The following GPC5 variants were observed in gnomAD, a reference collection of about 807,000 sequenced individuals.
GPC5 encodes the protein glypican 5.
GPC5 carries 47 observed loss-of-function variants against 53.9 expected under a neutral mutation model. That is an observed-to-expected ratio of 0.87 (90% confidence interval 0.69 to 1.11). GPC5 has a LOEUF of 1.11. Ranked by LOEUF, GPC5 falls within the 50% of genes most tolerant of loss-of-function variation. GPC5 has a pLI of 0.00. For synonymous variants in GPC5, 286 were observed against 263.3 expected (o/e 1.09, Z -0.84); for missense variants, 748 against 713.1 (o/e 1.05, Z -0.56).
At chr13:92,593,041 G>A (rs1883763417) in intron 7 of GPC5, among the ~76,000 whole-genome samples, 1 of 150,988 alleles carries the variant, frequency 6.6e-6, no homozygotes. Flanking sequence ...GGCCTGAAGT[G>A]ACTAGAGTGG....
intron 7 of GPC5, among the ~76,000 whole-genome samples, chr13:92,373,081 T>C (rs368597772): frequency 9.8e-5 from 15 of 152,298 alleles, no homozygotes; most frequent in East Asian, 7.7e-4. Context: ...TTTAAGTATA[T>C]ATATTATTTT....
At chr13:91,517,067 C>A (rs891885155) in intron 2 of GPC5, among the ~76,000 whole-genome samples, 5 of 152,118 alleles carry the variant, frequency 3.3e-5, no homozygotes, top group Admixed American at 3.3e-4. Context: ...GAGAGGCTGC[C>A]TTGAGAGTCT....
chr13:92,385,606 C>CGCATATAT, intron 7 of GPC5, among the ~76,000 whole-genome samples: 2 of 142,404 alleles, frequency 1.4e-5, no homozygotes, highest in Admixed American at 1.5e-4. Flanking sequence ...TACATATATA[C>CGCATATAT]ACATATACAT....
chr13:92,754,477 C>T (rs1309919475), intron 7 of GPC5, among the ~76,000 whole-genome samples: 2 of 151,754 alleles, frequency 1.3e-5, no homozygotes, highest in African/African-American at 2.4e-5. Flanking sequence ...TCACACATAA[C>T]AATATTAACT....
chr13:91,451,540 C>T (rs1384418949), intron 2 of GPC5, among the ~76,000 whole-genome samples: 1 of 151,952 alleles, frequency 6.6e-6, no homozygotes, highest in Non-Finnish European at 1.5e-5. Context: ...GTGAAACTCA[C>T]ACTGGGCTCT....
At chr13:91,752,593 G>A (rs1387735187) in intron 4 of GPC5, among the ~76,000 whole-genome samples, 1 of 152,132 alleles carries the variant, frequency 6.6e-6, no homozygotes, top group South Asian at 2.1e-4. Flanking sequence ...TCATTCTTTA[G>A]TTTTCATAGT....
chr13:92,790,106 A>C (rs185316198), intron 7 of GPC5, among the ~76,000 whole-genome samples: 1 of 152,258 alleles, frequency 6.6e-6, no homozygotes, highest in Non-Finnish European at 1.5e-5. Context: ...TTCTAGCAGC[A>C]CTGGCAGCTG....
At chr13:92,348,973 CA>C (rs775184152) in intron 7 of GPC5, among the ~76,000 whole-genome samples, 3 of 151,962 alleles carry the variant, frequency 2.0e-5, no homozygotes, top group Non-Finnish European at 4.4e-5. Context: ...AAAAAAAACC[CA>C]GATTTCAAAC....
intron 7 of GPC5, among the ~76,000 whole-genome samples, chr13:92,432,009 TA>T (rs1877108783): frequency 1.3e-5 from 2 of 152,326 alleles, no homozygotes; most frequent in South Asian, 4.1e-4. Flanking sequence ...ATGTATATGT[TA>T]AAGCCCCAAT....
intron 2 of GPC5, among the ~76,000 whole-genome samples, chr13:91,563,746 GCCTCCCTTC>G (rs2031395745): frequency 6.6e-6 from 1 of 151,976 alleles, no homozygotes; most frequent in Non-Finnish European, 1.5e-5. Context: ...GAAGTTCTTT[GCCTCCCTTC>G]CCTCCTCAGG....
chr13:91,432,431 CTT>C (rs1349483583), intron 1 of GPC5, among the ~76,000 whole-genome samples: 1 of 152,088 alleles, frequency 6.6e-6, no homozygotes, highest in Non-Finnish European at 1.5e-5. Flanking sequence ...AAAGTTAAAA[CTT>C]AAGTATGTGG....
chr13:92,114,609 A>G lies in GPC5; in HGVS notation c.1402-30221A>G, dbSNP rs139888250. 5.9e-5 allele frequency among the ~76,000 whole-genome samples: 9 copies of G among 152,292 alleles called. No homozygotes were observed. In the East Asian group the frequency reaches 1.3e-3, roughly 23 times the overall value. On this transcript the variant is annotated intron_variant, in intron 6 of 7. Transcript: ENST00000377067. Reference sequence around the variant, plus strand: ...TTGTGATAAATGAGAGAGAACTGACATGTCATTACAGAAGAATTAAATTTA... The same window carrying G: ...TTGTGATAAATGAGAGAGAACTGACGTGTCATTACAGAAGAATTAAATTTA...
At chr13:92,660,384 T>A (rs1886294320) in intron 7 of GPC5, among the ~76,000 whole-genome samples, 1 of 151,946 alleles carries the variant, frequency 6.6e-6, no homozygotes, top group South Asian at 2.1e-4. Flanking sequence ...CATAGGCACA[T>A]CATTTCTCTA....
intron 4 of GPC5, among the ~76,000 whole-genome samples, chr13:91,753,877 G>A (rs1208111632): frequency 6.6e-6 from 1 of 152,060 alleles, no homozygotes; most frequent in African/African-American, 2.4e-5. Context: ...GGCACTATTA[G>A]CACTGTATTA....
chr13:92,536,628 A>G (rs1881731063), intron 7 of GPC5, among the ~76,000 whole-genome samples: 1 of 152,122 alleles, frequency 6.6e-6, no homozygotes, highest in African/African-American at 2.4e-5. Context: ...TGTTGTTTAT[A>G]ATGACAAAAA....
At position 92,033,147 on chromosome 13, in the gene GPC5, T is replaced by C. The variant is rs994392989; in HGVS notation, c.1402-111683T>C. The stretch of plus-strand genomic sequence containing the variant: ...TGATGTATTTCTGAGTGGGATCATT[T>C]GTTTATATCTCAACCTCCAAAGCCT... On this transcript the variant is annotated intron_variant, in intron 6 of 7. Transcript: ENST00000377067. Among the ~76,000 whole-genome samples, 17 of 151,974 alleles carry C rather than the reference T, an allele frequency of 1.1e-4. 1 individual carries two copies. Among genetic ancestry groups the C allele is most frequent in the Non-Finnish European group, 8.8e-5 (6 of 68,006 alleles).
At chr13:92,548,912 TTAAAAA>T (rs1882215822) in intron 7 of GPC5, among the ~76,000 whole-genome samples, 1 of 151,876 alleles carries the variant, frequency 6.6e-6, no homozygotes, top group South Asian at 2.1e-4. Context: ...ACCCACAAAA[TTAAAAA>T]TAAAAACAAT....
chr13:92,802,400 T>C (rs1876939141), intron 7 of GPC5, among the ~76,000 whole-genome samples: 2 of 151,936 alleles, frequency 1.3e-5, no homozygotes, highest in South Asian at 4.1e-4. Context: ...TTTTTTTGTA[T>C]GTGTATTTAT....
At chr13:92,079,987 C>T (rs1314585441) in intron 6 of GPC5, among the ~76,000 whole-genome samples, 1 of 152,106 alleles carries the variant, frequency 6.6e-6, no homozygotes, top group Non-Finnish European at 1.5e-5. Flanking sequence ...TTTTACAATT[C>T]GTCTATAATT....
Sources: allele counts gnomAD v4.1 joint callset (sites outside exome capture counted in the v4.1 genomes callset), GRCh38; gene constraint gnomAD v4.1.1; transcripts MANE v1.5; gene names NCBI Gene and HGNC (gene_info 2026-07-23, HGNC 2026-07-21).